HPD: variants seen among roughly 807,000 people sequenced by gnomAD.
HPD encodes the protein 4-hydroxyphenylpyruvic acid oxidase.
Under a neutral mutation model 56.9 loss-of-function variants are expected in HPD, and 35 were observed. That is an observed-to-expected ratio of 0.62 (90% CI 0.47 to 0.82). The LOEUF (loss-of-function observed/expected upper bound fraction) is 0.82, where lower values mean the gene tolerates loss of function less well. Among genes scored for constraint, HPD ranks in the 40% least tolerant of loss-of-function variants. The pLI, the probability that HPD is intolerant of heterozygous loss-of-function variation, is 0.00. For missense variants in HPD, 442 were observed against 506.8 expected (o/e 0.87, Z 1.23); for synonymous variants, 186 against 200.2 (o/e 0.93, Z 0.60).
At chr12:121,877,964 C>A in the HPD span, among the ~76,000 whole-genome samples, 1 of 152,072 alleles carries the variant, frequency 6.6e-6, no homozygotes, top group African/African-American at 2.4e-5. Context: ...TATGAAATAT[C>A]CAGAATAGGT....
chr12:121,881,555 T>C, the HPD span, among the ~76,000 whole-genome samples: 1 of 152,112 alleles, frequency 6.6e-6, no homozygotes, highest in African/African-American at 2.4e-5. Context: ...CTTGCCCCTT[T>C]AGGCTTAAGG....
chr12:121,871,279 C>T, the HPD span, among the ~76,000 whole-genome samples: 11 of 151,762 alleles, frequency 7.2e-5, no homozygotes, highest in African/African-American at 2.7e-4. Context: ...ACGGGTGAAT[C>T]GATTGAGCCC....
At chr12:121,864,539 G>A (rs1213629107), upstream of HPD, among the ~76,000 whole-genome samples, 1 of 140,276 alleles carries the variant, frequency 7.1e-6, no homozygotes, top group Non-Finnish European at 1.5e-5. Context: ...GGCAACAGAG[G>A]GAGGCCCTGA....
At chr12:121,888,352 G>A in the HPD span, among the ~76,000 whole-genome samples, 3 of 152,172 alleles carry the variant, frequency 2.0e-5, no homozygotes, top group Non-Finnish European at 4.4e-5. Flanking sequence ...GGGTCACACA[G>A]ATTGCCGTTA....
At chr12:121,844,747 G>T (rs984763895) in intron 11 of HPD, among the ~76,000 whole-genome samples, 1 of 151,934 alleles carries the variant, frequency 6.6e-6, no homozygotes, top group African/African-American at 2.4e-5. Flanking sequence ...TGGGCGTGGT[G>T]GTGGGAGCGT....
chr12:121,872,370 G>T, the HPD span, among the ~76,000 whole-genome samples: 2 of 151,704 alleles, frequency 1.3e-5, no homozygotes, highest in Admixed American at 6.6e-5. Context: ...GGGACTAACA[G>T]GAGCCCGCCA....
At chr12:121,873,546 C>T in the HPD span, among the ~76,000 whole-genome samples, 2 of 152,218 alleles carry the variant, frequency 1.3e-5, no homozygotes, top group East Asian at 1.9e-4. Flanking sequence ...TGGCCGGGCG[C>T]GGTGGCTCAC....
At chr12:121,852,879 G>A (rs1375976400) in intron 7 of HPD, among the ~76,000 whole-genome samples, 1 of 151,718 alleles carries the variant, frequency 6.6e-6, no homozygotes, top group South Asian at 2.1e-4. Context: ...TGATTCGCCC[G>A]CCTCAGCCTC....
upstream of HPD, among the ~76,000 whole-genome samples, chr12:121,864,039 CCAA>C (rs1363278473): frequency 2.1e-5 from 3 of 140,862 alleles, no homozygotes; most frequent in African/African-American, 8.0e-5. Flanking sequence ...ACCAGCCTGG[CCAA>C]CATAGCGAAA....
At chr12:121,849,999 T>C in intron 7 of HPD, 1 of 580,312 alleles carries the variant, frequency 1.7e-6, no homozygotes, top group South Asian at 1.8e-5. Flanking sequence ...GGACACTGTT[T>C]TGCTCATGAT....
chr12:121,856,722 T>G, intron 4 of HPD, 97 bp from the exon 5 acceptor site: 1 of 1,128,672 alleles, frequency 8.9e-7, no homozygotes, highest in Non-Finnish European at 1.3e-6. Flanking sequence ...ACACCCCTGA[T>G]GGAGCACAAG....
At chr12:121,859,260 C>G (rs924338053), upstream of HPD, 18 of 297,372 alleles carry the variant, frequency 6.1e-5, no homozygotes, top group Non-Finnish European at 9.9e-5. Context: ...GCGTTGTATT[C>G]CATAGCTCTG....
chr12:121,846,909 C>T lies in HPD; in HGVS notation c.784G>A (p.Ala262Thr), dbSNP rs756810403. The T allele has an allele frequency of 5.6e-6, 9 of 1,614,128 alleles. 1 individual carries two copies. The highest frequency in any genetic ancestry group is 2.2e-5 in the South Asian group (2 of 91,078). ...TTGAGAGCGATGTGCTGGACCCCAG[C>T]GCCCCCGTTATAGTCCACATATTCC... is the stretch of plus-strand genomic sequence containing the variant. ...IQEYVDYNGG[A>T]GVQHIALKTE... Residue 262 changes from alanine (A) to threonine (T), a missense_variant, in exon 11 of 14, where the codon GCT becomes ACT. Coordinates refer to ENST00000289004, the MANE Select transcript of HPD (RefSeq NM_002150.3).
upstream of HPD, among the ~76,000 whole-genome samples, chr12:121,862,904 TC>T (rs1878219943): frequency 6.6e-6 from 1 of 150,692 alleles, no homozygotes; most frequent in Non-Finnish European, 1.5e-5. Context: ...ATGGTCTCAA[TC>T]TCCTGACCTC....
At chr12:121,871,308 T>C in the HPD span, among the ~76,000 whole-genome samples, 1 of 151,626 alleles carries the variant, frequency 6.6e-6, no homozygotes, top group Non-Finnish European at 1.5e-5. Context: ...GAGGCTACAG[T>C]GAGCTGTGAT....
chr12:121,884,752 T>C, the HPD span, among the ~76,000 whole-genome samples: 1 of 152,172 alleles, frequency 6.6e-6, no homozygotes, highest in Non-Finnish European at 1.5e-5. Context: ...AAAAATATTA[T>C]AAAGAACATT....
chr12:121,864,946 A>G (rs1376437571), upstream of HPD, among the ~76,000 whole-genome samples: 1 of 152,024 alleles, frequency 6.6e-6, no homozygotes, highest in Non-Finnish European at 1.5e-5. Context: ...GGCTATTATC[A>G]CTTCCACTGG....
At chr12:121,887,554 T>G in the HPD span, among the ~76,000 whole-genome samples, 1 of 151,834 alleles carries the variant, frequency 6.6e-6, no homozygotes, top group Non-Finnish European at 1.5e-5. Flanking sequence ...ATATTTTTGG[T>G]AGAGACAGGG....
chr12:121,870,126 C>T, the HPD span, among the ~76,000 whole-genome samples: 1 of 151,106 alleles, frequency 6.6e-6, no homozygotes, highest in African/African-American at 2.4e-5. Flanking sequence ...AAATCTTCTG[C>T]AGAAGGAACA....
Sources: allele counts gnomAD v4.1 joint callset (sites outside exome capture counted in the v4.1 genomes callset), GRCh38; gene constraint gnomAD v4.1.1; transcripts MANE v1.5; gene names NCBI Gene and HGNC (gene_info 2026-07-23, HGNC 2026-07-21).